CCDC97: variants seen among roughly 807,000 people sequenced by gnomAD.
The protein encoded by CCDC97 is coiled-coil domain containing 97.
CCDC97 carries 27 observed loss-of-function variants against 33.9 expected under a neutral mutation model. That is an observed-to-expected ratio of 0.80 (90% CI 0.59 to 1.10). CCDC97 has a LOEUF of 1.10. Ranked by LOEUF, CCDC97 falls within the 50% of genes least tolerant of loss-of-function variation. The pLI is 0.00. For missense variants in CCDC97, 422 were observed against 476.6 expected, an observed-to-expected ratio of 0.89 and a Z score of 1.07; for synonymous variants, 217 against 194.0, an observed-to-expected ratio of 1.12 and a Z score of -0.99.
intron 2 of CCDC97, among the ~76,000 whole-genome samples, chr19:41,319,056 G>A (rs902529984): frequency 1.3e-5 from 2 of 152,006 alleles, no homozygotes; most frequent in African/African-American, 4.8e-5. Context: ...CACAGGACAT[G>A]TGTGTGTACA....
In CCDC97 at chr19:41,319,243, A is replaced by G. The variant is rs552599472; in HGVS notation, c.503-331A>G. 2.6e-5 allele frequency among the ~76,000 whole-genome samples: 4 copies of G among 152,364 alleles called. No homozygotes were observed. In the South Asian group the frequency reaches 6.2e-4, roughly 24 times the overall value. ...CAGGAAGATAGAGGCCGGGCCACAT[A>G]CACACACTCAGGTGCCTGCACGAGT... On this transcript the variant is annotated intron_variant, in intron 2 of 4. Coordinates refer to ENST00000269967, the MANE Select transcript of CCDC97 (RefSeq NM_052848.3).
intron 1 of CCDC97, among the ~76,000 whole-genome samples, chr19:41,315,544 C>T (rs1429887711): frequency 6.8e-6 from 1 of 148,008 alleles, no homozygotes; most frequent in Admixed American, 6.8e-5. Context: ...CAGGAGGCGG[C>T]AGTTGCAGTG....
rs189479725 is a variant in CCDC97 at position 41,324,847 on chromosome 19, T to G, written c.*2132T>G. 9 of 152,316 alleles carry G rather than the reference T, an allele frequency of 5.9e-5. No individual in the cohort carries two copies. In the East Asian group the frequency reaches 1.7e-3, roughly 29 times the overall value. The allele number at this position is 152,316 out of a possible 1,614,324, so 9.4% of individuals were successfully genotyped here. A position where few individuals can be genotyped will look rare whatever the true frequency, so the allele number is the denominator to read the frequency against. On this transcript the variant is annotated 3_prime_UTR_variant, in exon 5 of 5. Transcript: ENST00000269967. ...GGCACATTTTTTACCAGTCTATCATTTGGTCATTAAATTTGTTTACAATAT... is the reference window on the plus strand; with the variant it reads ...GGCACATTTTTTACCAGTCTATCATGTGGTCATTAAATTTGTTTACAATAT...
rs1367996172 is a variant in CCDC97 at position 41,320,664 on chromosome 19, C to T, written c.911+194C>T. 2.0e-5 allele frequency: 12 copies of T among 594,550 alleles called. No homozygotes were observed. In the Admixed American group the frequency reaches 3.2e-4, roughly 16 times the overall value. 36.8% of individuals were successfully genotyped at this position (594,550 alleles called of 1,614,324 possible). On this transcript the variant is annotated intron_variant, in intron 4 of 4. Coordinates refer to ENST00000269967, the MANE Select transcript of CCDC97 (RefSeq NM_052848.3). ...CGGACTAGCCTTGTCCATCTCAGAC[C>T]CTCAGTCTCCTCACCTCTAAGGCAG...
intron 1 of CCDC97, 45 bp downstream of exon 1, chr19:41,310,401 GT>G: frequency 6.3e-7 from 1 of 1,575,346 alleles, no homozygotes; most frequent in Non-Finnish European, 8.6e-7. Context: ...TGCGGTTGCG[GT>G]GTCTCTAGGA....
chr19:41,319,653 C>T lies in CCDC97; in HGVS notation c.582C>T (p.Thr194=), dbSNP rs766031839. The change falls in exon 3 of 5, where the codon ACC becomes ACT. Residue 194 remains threonine, a synonymous_variant. Coordinates refer to ENST00000269967, the MANE Select transcript of CCDC97 (RefSeq NM_052848.3). ...LYEQYIGQYL[T]QEELSARTPT... is the part of the protein sequence containing the mutation. ...AGCAGTACATCGGGCAGTATCTCAC[C>T]CAGGAGGAGCTCAGTGCCCGCACCC... is the stretch of plus-strand genomic sequence containing the variant. 4.3e-6 allele frequency: 7 copies of T among 1,614,096 alleles called. No homozygotes were observed. Among genetic ancestry groups the T allele is most frequent in the Non-Finnish European group, 5.1e-6 (6 of 1,179,982 alleles).
intron 1 of CCDC97, chr19:41,311,150 G>C (rs556571813): frequency 6.5e-6 from 1 of 152,680 alleles, no homozygotes; most frequent in South Asian, 2.1e-4. Context: ...ACTTTGGGAG[G>C]CCAAGGCAGG....
chr19:41,319,694 C>A lies in CCDC97; in HGVS notation c.623C>A (p.Pro208His), dbSNP rs757498141. ...GCCCGCACCCCAACCCACCAGCCCCCCAAGCCCGGGTCCCCCGGGAGACCT... is the reference window on the plus strand; with the variant it reads ...GCCCGCACCCCAACCCACCAGCCCCACAAGCCCGGGTCCCCCGGGAGACCT... ...LSARTPTHQPPKPGSPGRPAC... is the reference protein window; with the variant it reads ...LSARTPTHQPHKPGSPGRPAC... The change falls in exon 3 of 5, where the codon CCC (proline) becomes CAC (histidine). Residue 208 changes from proline (P) to histidine (H), a missense_variant. Transcript: ENST00000269967. The A allele has an allele frequency of 3.7e-6, 6 of 1,614,014 alleles. No homozygotes were observed. Among genetic ancestry groups the A allele is most frequent in the South Asian group, 3.3e-5 (3 of 91,082 alleles).
chr19:41,315,097 C>A (rs183364559), intron 1 of CCDC97, among the ~76,000 whole-genome samples: 3 of 141,244 alleles, frequency 2.1e-5, no homozygotes, highest in African/African-American at 8.0e-5. Flanking sequence ...GTCAGGAGTT[C>A]GAGACCAGCA....
chr19:41,321,566 C>T (rs898261334), intron 4 of CCDC97, among the ~76,000 whole-genome samples: 1 of 152,230 alleles, frequency 6.6e-6, no homozygotes, highest in Admixed American at 6.5e-5. Flanking sequence ...AGGGGTCCCA[C>T]TCTAGTGAGG....
Position 41,310,199 on chromosome 19 carries a change from A to C in CCDC97, c.-112A>C, listed in dbSNP as rs1245799672. On this transcript the variant is annotated 5_prime_UTR_variant, in exon 1 of 5. Transcript: ENST00000269967. Reference sequence around the variant, plus strand: ...GCCCGGAACTTCGGTGCCTGGGCGCAGCGGTGCACCCGGACCCGGAACATT... The same window carrying C: ...GCCCGGAACTTCGGTGCCTGGGCGCCGCGGTGCACCCGGACCCGGAACATT... The C allele has an allele frequency of 6.9e-7, 1 of 1,455,962 alleles. No individual in the cohort carries two copies. Among genetic ancestry groups the C allele is most frequent in the Admixed American group, 2.0e-5 (1 of 50,128 alleles). 90.2% of individuals were successfully genotyped at this position (1,455,962 alleles called of 1,614,324 possible).
rs775601119 is a variant in CCDC97, at chr19:41,319,827, AGAG to A, written c.765_767del (p.Glu255del). 1.6e-5 allele frequency: 25 copies of A among 1,566,172 alleles called. No homozygotes were observed. Among genetic ancestry groups the A allele is most frequent in the Middle Eastern group, 1.7e-4 (1 of 5,968 alleles). ...AGGAGGCCTGCTTGGAGGAAGAGGA[AGAG>A]GAGGAGGACAGTGACGAGGAAGGTG... On this transcript the variant is annotated inframe_deletion, in exon 3 of 5. Coordinates refer to ENST00000269967, the MANE Select transcript of CCDC97 (RefSeq NM_052848.3).
In CCDC97 at chr19:41,320,335, C is replaced by G; in HGVS notation, c.782-6C>G. ...CATTCACACCCCCTCTCCTCTCCCT[C>G]TGCAGACCAGAGGTCAGGCAAGGAC... On this transcript the variant is annotated splice_region_variant and splice_polypyrimidine_tract_variant and intron_variant, in intron 3 of 4. Transcript: ENST00000269967. 2.5e-6 allele frequency: 4 copies of G among 1,613,814 alleles called. No homozygotes were observed. The highest frequency in any genetic ancestry group is 3.4e-6 in the Non-Finnish European group (4 of 1,179,970).
intron 4 of CCDC97, among the ~76,000 whole-genome samples, chr19:41,321,338 A>G (rs1296065596): frequency 6.6e-6 from 1 of 152,150 alleles, no homozygotes; most frequent in Non-Finnish European, 1.5e-5. Context: ...GACCATGGGG[A>G]CCCTCATTCA....
rs550140948 is a variant in CCDC97, at chr19:41,312,561, C to T, written c.46+2205C>T. ...TTCCCAGGGGTGCTGTAACAAAGTA[C>T]TACAAACTGCATGGCTTCAAACAAC... is the stretch of plus-strand genomic sequence containing the variant. On this transcript the variant is annotated intron_variant, in intron 1 of 4. Coordinates refer to ENST00000269967, the MANE Select transcript of CCDC97 (RefSeq NM_052848.3). Among the ~76,000 whole-genome samples, 4 of 152,306 alleles carry T rather than the reference C, an allele frequency of 2.6e-5. No homozygotes were observed. In the East Asian group the frequency reaches 7.7e-4, roughly 29 times the overall value.
chr19:41,322,576 C>G lies in CCDC97; in HGVS notation c.912-19C>G, dbSNP rs555525666. The G allele has an allele frequency of 6.2e-7, 1 of 1,609,900 alleles. No individual in the cohort carries two copies. Among genetic ancestry groups the G allele is most frequent in the Non-Finnish European group, 8.5e-7 (1 of 1,177,606 alleles). On this transcript the variant is annotated intron_variant, in intron 4 of 4. Coordinates refer to ENST00000269967, the MANE Select transcript of CCDC97 (RefSeq NM_052848.3). Reference sequence around the variant, plus strand: ...GGTCCCAGGGAGACCCAGTCCTTGACAGCCTCCTCCTCCTGCAGCACAGTA... The same window carrying G: ...GGTCCCAGGGAGACCCAGTCCTTGAGAGCCTCCTCCTCCTGCAGCACAGTA...
chr19:41,319,792 CAGG>C lies in CCDC97; in HGVS notation c.734_736del (p.Glu245del), dbSNP rs776298829. 3.5e-5 allele frequency: 57 copies of C among 1,609,242 alleles called. No homozygotes were observed. The highest frequency in any genetic ancestry group is 4.0e-5 in the African/African-American group (3 of 74,838). ...GCTACAGCAGCGTCTGCTCCAACAG[CAGG>C]AGGAGGAGGAGGCCTGCTTGGAGGA... On this transcript the variant is annotated inframe_deletion, in exon 3 of 5. Transcript: ENST00000269967.
At chr19:41,312,067 C>T (rs1010162665) in intron 1 of CCDC97, among the ~76,000 whole-genome samples, 5 of 152,076 alleles carry the variant, frequency 3.3e-5, no homozygotes, top group Non-Finnish European at 7.4e-5. Context: ...TCAATTCAGT[C>T]CCCCCATTCA....
chr19:41,320,508 G>A, intron 4 of CCDC97, 38 bp downstream of exon 4: 2 of 1,612,592 alleles, frequency 1.2e-6, no homozygotes, highest in Non-Finnish European at 1.7e-6. Flanking sequence ...CCCCAGCCCA[G>A]CATCCCACGG....
Sources: allele counts gnomAD v4.1 joint callset (sites outside exome capture counted in the v4.1 genomes callset), GRCh38; gene constraint gnomAD v4.1.1; transcripts MANE v1.5; gene names NCBI Gene and HGNC (gene_info 2026-07-23, HGNC 2026-07-21).